The following RIMS2 variants were observed in gnomAD, a reference collection of about 807,000 sequenced individuals.
The protein encoded by RIMS2 is regulating synaptic membrane exocytosis protein 2.
Under a neutral mutation model 174.4 loss-of-function variants are expected in RIMS2, and 59 were observed. That is an observed-to-expected ratio of 0.34 (90% CI 0.27 to 0.42). The LOEUF is 0.42. Ranked by LOEUF, RIMS2 falls within the 10% of genes least tolerant of loss-of-function variation. RIMS2 has a pLI of 1.00. For missense variants in RIMS2, 1,620 were observed against 1,666.3 expected (o/e 0.97, Z 0.48); for synonymous variants, 606 against 572.5 (o/e 1.06, Z -0.84).
chr8:103,817,242 G>T (rs1176385347), intron 3 of RIMS2, among the ~76,000 whole-genome samples: 6 of 152,200 alleles, frequency 3.9e-5, no homozygotes, highest in Admixed American at 1.3e-4. Flanking sequence ...TGAGATATTT[G>T]CTCTAACTAA....
At chr8:103,579,767 A>C (rs903189164) in intron 1 of RIMS2, among the ~76,000 whole-genome samples, 4 of 152,206 alleles carry the variant, frequency 2.6e-5, no homozygotes, top group African/African-American at 9.6e-5. Flanking sequence ...GAACTACCTG[A>C]GACTGGGTAA....
chr8:104,051,143 G>A (rs1311266819), intron 19 of RIMS2, among the ~76,000 whole-genome samples: 1 of 152,078 alleles, frequency 6.6e-6, no homozygotes, highest in African/African-American at 2.4e-5. Context: ...GGAGGCTGAA[G>A]TGGGAGGATG....
intron 1 of RIMS2, among the ~76,000 whole-genome samples, chr8:103,542,116 G>A (rs1368734081): frequency 1.3e-5 from 2 of 151,956 alleles, no homozygotes; most frequent in Admixed American, 6.6e-5. Context: ...ATGAAAAGAA[G>A]AGAAGACTCC....
At chr8:103,765,755 A>G (rs1165693354) in intron 2 of RIMS2, among the ~76,000 whole-genome samples, 1 of 152,132 alleles carries the variant, frequency 6.6e-6, no homozygotes, top group Non-Finnish European at 1.5e-5. Context: ...TATTTCTAAT[A>G]TTCAGCCTCA....
intron 1 of RIMS2, among the ~76,000 whole-genome samples, chr8:103,599,522 C>T (rs13251323): frequency 0.18 from 27,463 of 150,996 alleles, 2,749 homozygotes; most frequent in African/African-American, 0.26. Context: ...CAATGCAACC[C>T]TCACCTCCTG....
intron 2 of RIMS2, among the ~76,000 whole-genome samples, chr8:103,725,525 C>A (rs372442602): frequency 9.0e-4 from 137 of 152,276 alleles, no homozygotes; most frequent in African/African-American, 3.2e-3. Flanking sequence ...CTATGAGATT[C>A]ATCCATGATG....
chr8:103,512,663 A>C (rs1316874307), intron 1 of RIMS2, among the ~76,000 whole-genome samples: 1 of 152,100 alleles, frequency 6.6e-6, no homozygotes, highest in Admixed American at 6.6e-5. Context: ...CAATCCTATC[A>C]TGTATAGAGG....
At chr8:103,625,179 A>C (rs1387830981) in intron 1 of RIMS2, among the ~76,000 whole-genome samples, 4 of 137,462 alleles carry the variant, frequency 2.9e-5, no homozygotes, top group Non-Finnish European at 6.4e-5. Context: ...AGTATAATGC[A>C]ACCTTTTTTT....
intron 19 of RIMS2, among the ~76,000 whole-genome samples, chr8:104,049,697 A>G (rs897707033): frequency 3.9e-5 from 6 of 152,294 alleles, no homozygotes; most frequent in Non-Finnish European, 7.4e-5. Context: ...AAAAATAAAA[A>G]TAAATGACCA....
At chr8:103,910,345 A>C (rs751125790) in intron 5 of RIMS2, 2 of 1,600,522 alleles carry the variant, frequency 1.2e-6, no homozygotes, top group South Asian at 2.2e-5. Flanking sequence ...GGAAAAAGAA[A>C]AACTAGTGAG....
At chr8:103,997,606 A>C (rs1432954720) in intron 17 of RIMS2, among the ~76,000 whole-genome samples, 2 of 151,726 alleles carry the variant, frequency 1.3e-5, no homozygotes, top group African/African-American at 4.8e-5. Context: ...AATAGCATGT[A>C]ATACATAATA....
At chr8:104,069,462 TC>T (rs1430477414) in intron 19 of RIMS2, among the ~76,000 whole-genome samples, 44 of 142,932 alleles carry the variant, frequency 3.1e-4, no homozygotes, top group African/African-American at 1.1e-3. Context: ...AATTAATTGT[TC>T]TTTTTTTTTT....
chr8:104,040,375 C>G (rs1307192906), intron 19 of RIMS2, among the ~76,000 whole-genome samples: 1 of 151,596 alleles, frequency 6.6e-6, no homozygotes, highest in Non-Finnish European at 1.5e-5. Context: ...TACTAGTACA[C>G]TAATATCTTT....
At chr8:103,526,376 T>A (rs1294802917) in intron 1 of RIMS2, among the ~76,000 whole-genome samples, 1 of 152,160 alleles carries the variant, frequency 6.6e-6, no homozygotes, top group African/African-American at 2.4e-5. Flanking sequence ...AGGCCTCAAA[T>A]AATTTCTACA....
intron 1 of RIMS2, among the ~76,000 whole-genome samples, chr8:103,579,981 C>T (rs2430751): frequency 0.34 from 51,608 of 151,906 alleles, 9,611 homozygotes; most frequent in East Asian, 0.77. Flanking sequence ...ATCATGAGAA[C>T]AGCAAGGGGG....
intron 14 of RIMS2, among the ~76,000 whole-genome samples, chr8:103,959,257 A>G (rs191329991): frequency 6.6e-6 from 1 of 152,308 alleles, no homozygotes; most frequent in East Asian, 1.9e-4. Flanking sequence ...TAGTGACAAT[A>G]TCTCAAAAAT....
At chr8:104,117,180 T>C (rs2098291791) in intron 19 of RIMS2, among the ~76,000 whole-genome samples, 1 of 151,924 alleles carries the variant, frequency 6.6e-6, no homozygotes, top group Non-Finnish European at 1.5e-5. Context: ...AAAATCCCCA[T>C]CTCAAAATAA....
chr8:103,991,505 T>C (rs1364899814), intron 17 of RIMS2, among the ~76,000 whole-genome samples: 1 of 151,968 alleles, frequency 6.6e-6, no homozygotes, highest in Non-Finnish European at 1.5e-5. Flanking sequence ...GGTAATAAAA[T>C]GCATATGTCT....
At chr8:103,841,761 C>G (rs2098941009) in intron 3 of RIMS2, among the ~76,000 whole-genome samples, 1 of 152,040 alleles carries the variant, frequency 6.6e-6, no homozygotes. Flanking sequence ...CATCGACCAG[C>G]CTGGCCAACA....
Sources: gnomAD v4.1 joint callset for allele counts (sites outside exome capture counted in the v4.1 genomes callset) on GRCh38, gnomAD v4.1.1 for gene constraint, MANE v1.5 for transcripts, NCBI Gene and HGNC (gene_info 2026-07-23, HGNC 2026-07-21) for gene names.